Variants in C5orf34 observed in about 807,000 individuals in gnomAD.
The protein encoded by C5orf34 is uncharacterized protein C5orf34.
Under a neutral mutation model 78.4 loss-of-function variants are expected in C5orf34, and 73 were observed. The ratio of observed to expected loss-of-function variants is 0.93; its 90% confidence interval spans 0.77 to 1.13. The LOEUF is 1.13. Ranked by LOEUF, C5orf34 falls within the 50% of genes most tolerant of loss-of-function variation. The pLI is 0.00. For synonymous variants in C5orf34, 251 were observed against 246.6 expected, an observed-to-expected ratio of 1.02 and a Z score of -0.17; for missense variants, 730 against 732.7, an observed-to-expected ratio of 1.00 and a Z score of 0.04.
chr5:43,499,699 A>C (rs1745679794), intron 6 of C5orf34, among the ~76,000 whole-genome samples: 1 of 152,148 alleles, frequency 6.6e-6, no homozygotes, highest in African/African-American at 2.4e-5. Context: ...TTCTTTACAC[A>C]AAAGATATCA....
chr5:43,493,555 G>A lies in C5orf34; in HGVS notation c.1302C>T (p.Cys434=). Residue 434 remains cysteine (C), a synonymous_variant, in exon 8 of 13, where the codon TGC becomes TGT. Coordinates refer to ENST00000306862, the MANE Select transcript of C5orf34 (RefSeq NM_198566.4). The part of the protein sequence containing the change: ...RLSLSHNYRI[C]CWKMVPGIND... ...AATTTTAACATACCATTTTCCAGCA[G>A]CATATACGATAGTTATGGCTTAAAG... The A allele has an allele frequency of 6.4e-7, 1 of 1,553,556 alleles. No individual in the cohort carries two copies. The highest frequency in any genetic ancestry group is 2.3e-5 in the East Asian group (1 of 43,670).
intron 3 of C5orf34, among the ~76,000 whole-genome samples, chr5:43,507,345 C>A (rs1746026866): frequency 6.6e-6 from 1 of 152,156 alleles, no homozygotes; most frequent in Non-Finnish European, 1.5e-5. Context: ...AAGAAAGCTT[C>A]CTAAATTTAC....
intron 4 of C5orf34, chr5:43,505,465 T>G: frequency 6.1e-6 from 2 of 330,442 alleles, no homozygotes; most frequent in Non-Finnish European, 5.5e-6. Flanking sequence ...CTTCACTAGA[T>G]TCTAAGTTGC....
At position 43,486,981 on chromosome 5, in the gene C5orf34, T is replaced by C. The variant is rs771532139; in HGVS notation, c.1851A>G (p.Ile617Met). ...LGEVNENRVS[I>M]ALKKTSEILH... is the part of the protein sequence containing the mutation. ...GGATTTCAGAGGTTTTTTTCAATGC[T>C]ATTGATACTCTATTTTCATTAACTT... is the stretch of plus-strand genomic sequence containing the variant. The change falls in exon 13 of 13, where the codon ATA becomes ATG. Residue 617 changes from isoleucine (I) to methionine (M), a missense_variant. Coordinates refer to ENST00000306862, the MANE Select transcript of C5orf34 (RefSeq NM_198566.4). 3.2e-6 allele frequency: 5 copies of C among 1,586,446 alleles called. No homozygotes were observed. The highest frequency in any genetic ancestry group is 1.2e-5 in the South Asian group (1 of 86,326).
Position 43,514,874 on chromosome 5 carries a change from T to C in C5orf34, c.-105A>G, listed in dbSNP as rs1746419618. On this transcript the variant is annotated 5_prime_UTR_variant, in exon 1 of 13. Coordinates refer to ENST00000306862, the MANE Select transcript of C5orf34 (RefSeq NM_198566.4). ...GGTCCCTGGCTTTGATTTGCCAAAA[T>C]GCTCTGGAAGCCGCAGCGTCGGCGC... is the stretch of plus-strand genomic sequence containing the variant. The C allele has an allele frequency of 1.3e-5, 2 of 152,150 alleles. No individual in the cohort carries two copies. The highest frequency in any genetic ancestry group is 1.3e-4 in the Admixed American group (2 of 15,280). 9.4% of individuals were successfully genotyped at this position (152,150 alleles called of 1,614,324 possible).
intron 4 of C5orf34, 46 bp from the exon 5 acceptor site, chr5:43,503,806 A>G (rs1165448558): frequency 7.7e-7 from 1 of 1,300,384 alleles, no homozygotes; most frequent in African/African-American, 1.5e-5. Context: ...TGCTCAATAT[A>G]ATTGTCTTTA....
chr5:43,493,628 A>C lies in C5orf34; in HGVS notation c.1245-16T>G. On this transcript the variant is annotated splice_polypyrimidine_tract_variant and intron_variant, in intron 7 of 12. Transcript: ENST00000306862. Reference sequence around the variant, plus strand: ...TTGAAGAATTCTGTGAACACAAAAAATACTACTTAAACATTTGCAAATGAC... The same window carrying C: ...TTGAAGAATTCTGTGAACACAAAAACTACTACTTAAACATTTGCAAATGAC... 6.7e-7 allele frequency: 1 copy of C among 1,485,532 alleles called. No individual in the cohort carries two copies. Among genetic ancestry groups the C allele is most frequent in the Non-Finnish European group, 9.2e-7 (1 of 1,085,842 alleles). 92.0% of individuals were successfully genotyped at this position (1,485,532 alleles called of 1,614,324 possible).
chr5:43,504,349 T>A (rs932824343), intron 4 of C5orf34, among the ~76,000 whole-genome samples: 1 of 151,190 alleles, frequency 6.6e-6, no homozygotes, highest in African/African-American at 2.4e-5. Context: ...AGCACTGTGC[T>A]ATACACACTG....
chr5:43,495,371 C>A, intron 6 of C5orf34: 1 of 1,611,832 alleles, frequency 6.2e-7, no homozygotes, highest in Middle Eastern at 2.2e-4. Flanking sequence ...AGCCGCGTGG[C>A]AATCCAATAT....
intron 10 of C5orf34, 32 bp from the exon 11 acceptor site, chr5:43,490,761 A>T (rs746498537): frequency 9.0e-7 from 1 of 1,107,436 alleles, no homozygotes; most frequent in Admixed American, 1.9e-5. Context: ...AAATACTTGA[A>T]AAATGAACTT....
chr5:43,497,798 G>T (rs371455407), intron 6 of C5orf34, among the ~76,000 whole-genome samples: 2 of 152,110 alleles, frequency 1.3e-5, no homozygotes, highest in East Asian at 3.9e-4. Flanking sequence ...TTCTCTTTTG[G>T]CTATGAAAAC....
rs79128239 is a variant in C5orf34 at position 43,489,570 on chromosome 5, C to A, written c.1679+1061G>T. On this transcript the variant is annotated intron_variant, in intron 11 of 12. Coordinates refer to ENST00000306862, the MANE Select transcript of C5orf34 (RefSeq NM_198566.4). ...GAAGTGATGGTTTTATAGACAAGTA[C>A]AATTTTCCTTCCATCACAATTGTTT... 7.2e-5 allele frequency among the ~76,000 whole-genome samples: 11 copies of A among 152,224 alleles called. No homozygotes were observed. The East Asian group carries it at 2.1e-3, about 29-fold the overall frequency.
At chr5:43,495,583 G>C in intron 6 of C5orf34, 1 of 1,611,986 alleles carries the variant, frequency 6.2e-7, no homozygotes, top group Non-Finnish European at 8.5e-7. Context: ...GGTGCATTTC[G>C]ACAGATTTTA....
intron 3 of C5orf34, among the ~76,000 whole-genome samples, chr5:43,508,215 G>A (rs1166886755): frequency 1.3e-5 from 2 of 152,058 alleles, no homozygotes; most frequent in Admixed American, 6.5e-5. Flanking sequence ...TAAACCCTCA[G>A]TAAATGACAG....
chr5:43,495,688 A>G, intron 6 of C5orf34: 2 of 1,582,064 alleles, frequency 1.3e-6, no homozygotes, highest in Non-Finnish European at 1.7e-6. Context: ...TACCAATACC[A>G]CCAATTTTGT....
chr5:43,495,809 G>A (rs1314176840), intron 6 of C5orf34: 11 of 1,569,964 alleles, frequency 7.0e-6, no homozygotes, highest in Non-Finnish European at 8.8e-6. Context: ...ATCCTTACGG[G>A]TGGCTTTCCA....
intron 2 of C5orf34, 65 bp downstream of exon 2, chr5:43,509,080 G>A: frequency 7.6e-7 from 1 of 1,312,026 alleles, no homozygotes; most frequent in Non-Finnish European, 1.1e-6. Flanking sequence ...ACTCCAGCCT[G>A]GGTGACAGAG....
At chr5:43,487,165 T>A in intron 12 of C5orf34, 54 bp from the exon 13 acceptor site, 3 of 817,986 alleles carry the variant, frequency 3.7e-6, no homozygotes, top group Non-Finnish European at 5.4e-6. Flanking sequence ...TATAAATATC[T>A]TTATATACAG....
At chr5:43,492,151 T>C in intron 10 of C5orf34, 64 bp downstream of exon 10, 1 of 1,055,220 alleles carries the variant, frequency 9.5e-7, no homozygotes, top group South Asian at 1.4e-5. Flanking sequence ...ATAATGCTTA[T>C]TGCTTATTCT....
Sources: gnomAD v4.1 joint callset for allele counts (sites outside exome capture counted in the v4.1 genomes callset) on GRCh38, gnomAD v4.1.1 for gene constraint, MANE v1.5 for transcripts, NCBI Gene and HGNC (gene_info 2026-07-23, HGNC 2026-07-21) for gene names.